AGBL1: variants seen among roughly 807,000 people sequenced by gnomAD.
AGBL1 encodes cytosolic carboxypeptidase 4.
Under a neutral mutation model 118.9 loss-of-function variants are expected in AGBL1, and 130 were observed. The ratio of observed to expected loss-of-function variants is 1.09; its 90% CI spans 0.95 to 1.26. The LOEUF (loss-of-function observed/expected upper bound fraction) is 1.26, where lower values mean the gene tolerates loss of function less well. AGBL1 is among the 50% of genes most tolerant of loss of function. AGBL1 has a pLI of 0.00. For missense variants in AGBL1, 1,584 were observed against 1,298.1 expected (o/e 1.22, Z -3.38); for synonymous variants, 555 against 478.9 (o/e 1.16, Z -2.08).
intron 23 of AGBL1, among the ~76,000 whole-genome samples, chr15:86,971,369 G>A (rs2081107088): frequency 1.3e-5 from 2 of 151,958 alleles, no homozygotes. Context: ...TCTACTACGT[G>A]TTTCCTTAGC....
At chr15:86,551,321 G>A (rs192014755) in intron 20 of AGBL1, among the ~76,000 whole-genome samples, 60 of 151,980 alleles carry the variant, frequency 3.9e-4, no homozygotes, top group Non-Finnish European at 4.7e-4. Context: ...TTCTTAAAAC[G>A]GTCAACAAAA....
intron 21 of AGBL1, among the ~76,000 whole-genome samples, chr15:86,623,746 G>T (rs868226202): frequency 1.3e-5 from 2 of 152,172 alleles, no homozygotes; most frequent in African/African-American, 4.8e-5. Flanking sequence ...TCGAAATCCT[G>T]TTCCTCCAAC....
intron 22 of AGBL1, among the ~76,000 whole-genome samples, chr15:86,738,805 G>C (rs1375162640): frequency 1.3e-5 from 2 of 151,970 alleles, no homozygotes; most frequent in Admixed American, 1.3e-4. Context: ...AGTTGTGTGG[G>C]GGAAGATAAT....
chr15:86,621,722 C>T (rs728652), intron 21 of AGBL1, among the ~76,000 whole-genome samples: 52,148 of 152,090 alleles, frequency 0.34, 9,369 homozygotes, highest in East Asian at 0.61. Context: ...CTATTCAATG[C>T]GATATAGCCT....
At chr15:86,506,071 T>C (rs1293382583) in intron 18 of AGBL1, among the ~76,000 whole-genome samples, 1 of 152,098 alleles carries the variant, frequency 6.6e-6, no homozygotes, top group Admixed American at 6.6e-5. Flanking sequence ...CTGTAACTAA[T>C]AAGTCTCATA....
intron 18 of AGBL1, among the ~76,000 whole-genome samples, chr15:86,475,869 G>T (rs561718459): frequency 2.0e-4 from 30 of 152,194 alleles, no homozygotes; most frequent in Non-Finnish European, 4.3e-4. Flanking sequence ...GACTAACAGC[G>T]GATCTCTCAG....
At chr15:86,971,679 T>C (rs150166392) in intron 23 of AGBL1, among the ~76,000 whole-genome samples, 1 of 152,100 alleles carries the variant, frequency 6.6e-6, no homozygotes, top group African/African-American at 2.4e-5. Flanking sequence ...GGTAATTTGG[T>C]ATCTGGAAAC....
chr15:86,633,865 GTATATATATAA>G (rs768486932), intron 21 of AGBL1, among the ~76,000 whole-genome samples: 57,437 of 102,762 alleles, frequency 0.56, 12,884 homozygotes, highest in Middle Eastern at 0.68. Flanking sequence ...TATATATAAT[GTATATATATAA>G]TGTATATATA....
chr15:86,633,863 A>ATT (rs2085029811), intron 21 of AGBL1, among the ~76,000 whole-genome samples: 1 of 43,434 alleles, frequency 2.3e-5, no homozygotes, highest in Non-Finnish European at 4.6e-5. Context: ...TATATATATA[A>ATT]TGTATATATA....
chr15:86,702,720 A>G (rs1246074416), intron 22 of AGBL1, among the ~76,000 whole-genome samples: 1 of 151,944 alleles, frequency 6.6e-6, no homozygotes, highest in Non-Finnish European at 1.5e-5. Context: ...CTTTTCTTGC[A>G]TCTCCTATGT....
At chr15:86,445,397 G>C (rs987728796) in intron 18 of AGBL1, among the ~76,000 whole-genome samples, 8 of 152,246 alleles carry the variant, frequency 5.3e-5, no homozygotes, top group Admixed American at 4.6e-4. Context: ...CAAAGCAGGA[G>C]CAGCCCTCAG....
Position 86,434,910 on chromosome 15 carries a change from C to A in AGBL1, c.2555+37364C>A, listed in dbSNP as rs907780651. ...AACACAACATTCAGGGCTTTTATAT[C>A]CTATTGTTCTGAAGTTGTTTTGCTC... On this transcript the variant is annotated intron_variant, in intron 18 of 22. Transcript: ENST00000614907. Among the ~76,000 whole-genome samples the A allele has an allele frequency of 5.9e-5, 9 of 152,266 alleles. No individual in the cohort carries two copies. The East Asian group carries it at 1.7e-3, about 29-fold the overall frequency.
intron 24 of AGBL1, among the ~76,000 whole-genome samples, chr15:86,996,212 G>A (rs1307036513): frequency 1.3e-5 from 2 of 152,034 alleles, no homozygotes; most frequent in South Asian, 2.1e-4. Context: ...ATATTGTGAG[G>A]CTATAACTTG....
chr15:86,924,759 C>G (rs757930233), intron 23 of AGBL1, among the ~76,000 whole-genome samples: 1 of 152,028 alleles, frequency 6.6e-6, no homozygotes, highest in Non-Finnish European at 1.5e-5. Context: ...TACTCTGTGT[C>G]TCTCAAACTT....
chr15:86,303,834 A>G (rs552044240), intron 17 of AGBL1, among the ~76,000 whole-genome samples: 3 of 152,328 alleles, frequency 2.0e-5, no homozygotes, highest in Admixed American at 6.5e-5. Flanking sequence ...AAACAATTAC[A>G]TATGACTAAT....
At chr15:86,174,366 A>G (rs367747615) in intron 5 of AGBL1, among the ~76,000 whole-genome samples, 39 of 152,048 alleles carry the variant, frequency 2.6e-4, no homozygotes, top group African/African-American at 9.4e-4. Flanking sequence ...GGTTTTTCTA[A>G]ATATAATAAG....
chr15:86,745,736 T>C lies in AGBL1; in HGVS notation c.3158+71300T>C, dbSNP rs545782245. Among the ~76,000 whole-genome samples the C allele has an allele frequency of 2.0e-5, 3 of 152,214 alleles. No homozygotes were observed. The East Asian group carries it at 5.8e-4, about 29-fold the overall frequency. ...AATTGTAACTCAGGTCTTTGGTGTA[T>C]AAGCCTCTCCTACTGGTAGCCAGTC... On this transcript the variant is annotated intron_variant, in intron 22 of 22. Coordinates refer to ENST00000614907, the MANE Select transcript of AGBL1 (RefSeq NM_001386094.1).
At chr15:86,882,568 A>T (rs867948177) in intron 22 of AGBL1, among the ~76,000 whole-genome samples, 3 of 152,320 alleles carry the variant, frequency 2.0e-5, no homozygotes, top group Middle Eastern at 3.4e-3. Flanking sequence ...TATATTAATA[A>T]TAGTTAACCA....
intron 22 of AGBL1, among the ~76,000 whole-genome samples, chr15:86,839,466 G>A (rs1207609698): frequency 6.6e-6 from 1 of 152,162 alleles, no homozygotes; most frequent in Non-Finnish European, 1.5e-5. Context: ...GATTCACAAA[G>A]CTCTGGAGTT....
Sources: gnomAD v4.1 joint callset for allele counts (sites outside exome capture counted in the v4.1 genomes callset) on GRCh38, gnomAD v4.1.1 for gene constraint, MANE v1.5 for transcripts, NCBI Gene and HGNC (gene_info 2026-07-23, HGNC 2026-07-21) for gene names.